ARHGAP42: variants seen among roughly 807,000 people sequenced by gnomAD.
The protein encoded by ARHGAP42 is rho GTPase-activating protein 42.
A neutral mutation model predicts 125.0 loss-of-function variants in ARHGAP42; 63 were observed. That is an observed-to-expected ratio of 0.50 (90% CI 0.41 to 0.62). The LOEUF (loss-of-function observed/expected upper bound fraction) is 0.62, where lower values mean the gene tolerates loss of function less well. ARHGAP42 is among the 20% of genes least tolerant of loss of function. The pLI is 0.00. For missense variants in ARHGAP42, 766 were observed against 1,024.2 expected (o/e 0.75, Z 3.44); for synonymous variants, 339 against 351.0 (o/e 0.97, Z 0.38).
At position 100,992,356 on chromosome 11, in the gene ARHGAP42, A is replaced by C; in HGVS notation, c.*3555A>C. On this transcript the variant is annotated 3_prime_UTR_variant, in exon 24 of 24. Coordinates refer to ENST00000298815, the MANE Select transcript of ARHGAP42 (RefSeq NM_152432.4). ...GACCCGGAAATCACATCTCCTGGTC[A>C]GGTCACGAAAAAGAACACAGGCTTG... 6.2e-7 allele frequency: 1 copy of C among 1,613,508 alleles called. No homozygotes were observed. Among genetic ancestry groups the C allele is most frequent in the Non-Finnish European group, 8.5e-7 (1 of 1,179,670 alleles).
intron 11 of ARHGAP42, 112 bp downstream of exon 11, chr11:100,948,647 T>A: frequency 2.4e-6 from 2 of 835,882 alleles, no homozygotes; most frequent in Non-Finnish European, 3.5e-6. Flanking sequence ...TTGAAAATAT[T>A]AAAAAAGGAA....
At chr11:100,951,671 G>A (rs906860448) in intron 12 of ARHGAP42, among the ~76,000 whole-genome samples, 4 of 152,146 alleles carry the variant, frequency 2.6e-5, no homozygotes, top group Non-Finnish European at 5.9e-5. Flanking sequence ...ATGATGGAGA[G>A]GGAGTCTGCA....
Position 100,719,665 on chromosome 11 carries a change from T to A in ARHGAP42, c.154+31833T>A, listed in dbSNP as rs188876414. Among the ~76,000 whole-genome samples, 83 of 151,614 alleles carry A rather than the reference T, an allele frequency of 5.5e-4. 1 individual carries two copies. The highest frequency in any genetic ancestry group is 2.6e-3 in the Admixed American group (39 of 15,220). On this transcript the variant is annotated intron_variant, in intron 1 of 23. Coordinates refer to ENST00000298815, the MANE Select transcript of ARHGAP42 (RefSeq NM_152432.4). ...TCTCTCTTTCCTTTTTTTCTTTTAT[T>A]GTGTGTGTGTGTGTTGTGTGTGCAG...
At chr11:100,845,154 A>AT (rs1865033713) in intron 3 of ARHGAP42, among the ~76,000 whole-genome samples, 1 of 148,558 alleles carries the variant, frequency 6.7e-6, no homozygotes, top group Non-Finnish European at 1.5e-5. Context: ...ATATACATAC[A>AT]GTGGAATACT....
chr11:100,933,016 C>A, intron 6 of ARHGAP42, 140 bp from the exon 7 acceptor site: 1 of 569,666 alleles, frequency 1.8e-6, no homozygotes, highest in Non-Finnish European at 3.0e-6. Flanking sequence ...AATCGTAAAT[C>A]TATTGCCTGC....
chr11:100,793,583 A>T (rs1022092409), intron 2 of ARHGAP42, among the ~76,000 whole-genome samples: 1 of 152,236 alleles, frequency 6.6e-6, no homozygotes, highest in Non-Finnish European at 1.5e-5. Flanking sequence ...AAATATTTTA[A>T]GTTGGAATTT....
chr11:100,759,001 TTTTG>T (rs531894679), intron 1 of ARHGAP42, among the ~76,000 whole-genome samples: 5 of 152,158 alleles, frequency 3.3e-5, no homozygotes, highest in African/African-American at 4.8e-5. Context: ...TTTAGTGTTT[TTTTG>T]TTTGTTTGTT....
chr11:100,913,910 T>C (rs1866994815), intron 5 of ARHGAP42, among the ~76,000 whole-genome samples: 1 of 152,178 alleles, frequency 6.6e-6, no homozygotes, highest in South Asian at 2.1e-4. Context: ...GTGGGAAAGA[T>C]AGATACACAG....
intron 5 of ARHGAP42, among the ~76,000 whole-genome samples, chr11:100,920,941 T>A (rs900879288): frequency 6.6e-6 from 1 of 151,974 alleles, no homozygotes; most frequent in African/African-American, 2.4e-5. Flanking sequence ...TTATGCAGCA[T>A]CCAAGATACT....
At chr11:100,805,206 C>T (rs947458630) in intron 3 of ARHGAP42, among the ~76,000 whole-genome samples, 3 of 152,110 alleles carry the variant, frequency 2.0e-5, no homozygotes, top group Non-Finnish European at 2.9e-5. Context: ...TACGTGGTAC[C>T]GCAAGGGTTT....
chr11:100,729,543 G>T (rs1027123552), intron 1 of ARHGAP42, among the ~76,000 whole-genome samples: 1 of 152,106 alleles, frequency 6.6e-6, no homozygotes, highest in Non-Finnish European at 1.5e-5. Context: ...ATTCTGCAAT[G>T]CTTTGTCATA....
intron 1 of ARHGAP42, among the ~76,000 whole-genome samples, chr11:100,695,161 A>C (rs1861254607): frequency 3.3e-5 from 5 of 152,236 alleles, no homozygotes; most frequent in Admixed American, 3.3e-4. Flanking sequence ...GTAGCAACTT[A>C]CATAACATTT....
chr11:100,933,979 G>A (rs1189033239), intron 7 of ARHGAP42, among the ~76,000 whole-genome samples: 2 of 152,050 alleles, frequency 1.3e-5, no homozygotes, highest in Admixed American at 6.6e-5. Flanking sequence ...TAGAGACGGG[G>A]TTTCACCATG....
chr11:100,833,629 C>T (rs2072700413), intron 3 of ARHGAP42, among the ~76,000 whole-genome samples: 1 of 152,200 alleles, frequency 6.6e-6, no homozygotes, highest in Non-Finnish European at 1.5e-5. Context: ...CCAGCATGGT[C>T]CTTCAGGGTA....
At chr11:100,780,474 G>A (rs1863281746) in intron 2 of ARHGAP42, among the ~76,000 whole-genome samples, 1 of 152,208 alleles carries the variant, frequency 6.6e-6, no homozygotes, top group African/African-American at 2.4e-5. Flanking sequence ...AATATTGCTG[G>A]TGCATTTGTG....
intron 11 of ARHGAP42, among the ~76,000 whole-genome samples, chr11:100,949,691 T>G (rs1868123270): frequency 6.6e-6 from 1 of 152,116 alleles, no homozygotes; most frequent in South Asian, 2.1e-4. Flanking sequence ...TAGAACCTTG[T>G]CCAGGGCAGC....
At chr11:100,757,795 T>C (rs1862609781) in intron 1 of ARHGAP42, among the ~76,000 whole-genome samples, 1 of 152,210 alleles carries the variant, frequency 6.6e-6, no homozygotes, top group African/African-American at 2.4e-5. Context: ...TAATGATCTT[T>C]GTGCCTTTAC....
intron 12 of ARHGAP42, among the ~76,000 whole-genome samples, chr11:100,950,490 G>A (rs1341057015): frequency 6.6e-6 from 1 of 151,562 alleles, no homozygotes; most frequent in Non-Finnish European, 1.5e-5. Flanking sequence ...GTGGATAGTG[G>A]CTAAGAATGT....
chr11:100,978,829 A>C (rs1217700720), intron 21 of ARHGAP42, among the ~76,000 whole-genome samples, 158 bp from the exon 22 acceptor site: 1 of 152,200 alleles, frequency 6.6e-6, no homozygotes, highest in Non-Finnish European at 1.5e-5. Context: ...TAAAAATCTC[A>C]TTGACATTAA....
Sources: gnomAD v4.1 joint callset for allele counts (sites outside exome capture counted in the v4.1 genomes callset) on GRCh38, gnomAD v4.1.1 for gene constraint, MANE v1.5 for transcripts, NCBI Gene and HGNC (gene_info 2026-07-23, HGNC 2026-07-21) for gene names.